RHBDD1: variants seen among roughly 807,000 people sequenced by gnomAD.
The protein encoded by RHBDD1 is rhomboid-related protein 4.
A neutral mutation model predicts 36.3 loss-of-function variants in RHBDD1; 38 were observed. The observed-to-expected ratio is 1.05, with a 90% CI of 0.81 to 1.37. RHBDD1 has a LOEUF of 1.37. Ranked by LOEUF, RHBDD1 falls within the 40% of genes most tolerant of loss-of-function variation. RHBDD1 has a pLI of 0.00. For missense variants in RHBDD1, 393 were observed against 377.6 expected (o/e 1.04, Z -0.34); for synonymous variants, 151 against 136.5 (o/e 1.11, Z -0.74).
intron 5 of RHBDD1, among the ~76,000 whole-genome samples, chr2:226,882,430 C>CAAAAAAAAAAAA (rs58149634): frequency 1.8e-5 from 1 of 57,090 alleles, no homozygotes; most frequent in Non-Finnish European, 3.7e-5. Context: ...GACTTTGCCT[C>CAAAAAAAAAAAA]AAAAAAAAAA....
At chr2:226,871,789 G>T (rs1323166886) in intron 5 of RHBDD1, among the ~76,000 whole-genome samples, 1 of 152,192 alleles carries the variant, frequency 6.6e-6, no homozygotes, top group Non-Finnish European at 1.5e-5. Flanking sequence ...ACTCCATAGG[G>T]ATGATACATG....
intron 8 of RHBDD1, among the ~76,000 whole-genome samples, chr2:226,989,483 C>T (rs998831392): frequency 6.6e-6 from 1 of 152,154 alleles, no homozygotes; most frequent in Non-Finnish European, 1.5e-5. Flanking sequence ...ATATTGGTCT[C>T]ACATGTCCAG....
chr2:226,838,250 G>T (rs778406653), intron 2 of RHBDD1, 96 bp downstream of exon 2: 1 of 152,204 alleles, frequency 6.6e-6, no homozygotes, highest in Non-Finnish European at 1.5e-5. Context: ...AGAGTTTTCA[G>T]ATAAACATAA....
At chr2:226,909,081 G>A (rs956857799) in intron 7 of RHBDD1, among the ~76,000 whole-genome samples, 3 of 152,020 alleles carry the variant, frequency 2.0e-5, no homozygotes, top group African/African-American at 7.2e-5. Flanking sequence ...GGAAGGCCAG[G>A]GAAGGAGGTA....
intron 5 of RHBDD1, among the ~76,000 whole-genome samples, chr2:226,897,301 G>GGT (rs1206046175): frequency 1.6e-5 from 2 of 124,916 alleles, no homozygotes; most frequent in Admixed American, 8.2e-5. Context: ...AACAGTTTGA[G>GGT]GTGTGTGTGT....
At chr2:226,921,859 A>G (rs762483192) in intron 8 of RHBDD1, among the ~76,000 whole-genome samples, 30 of 152,298 alleles carry the variant, frequency 2.0e-4, no homozygotes, top group African/African-American at 6.5e-4. Flanking sequence ...CATTTAGTCT[A>G]TAGTGCAGAT....
intron 8 of RHBDD1, among the ~76,000 whole-genome samples, chr2:226,948,564 T>TAAAAAAAAAAAAAAA (rs56325989): frequency 1.7e-4 from 4 of 23,548 alleles, no homozygotes; most frequent in Admixed American, 5.0e-4. Context: ...ACTTAAAGTA[T>TAAAAAAAAAAAAAAA]AAAAAAAAAA....
chr2:226,952,130 G>T (rs1361503387), intron 8 of RHBDD1, among the ~76,000 whole-genome samples: 1 of 152,062 alleles, frequency 6.6e-6, no homozygotes, highest in African/African-American at 2.4e-5. Context: ...TGCTCTATAA[G>T]CTCCCCAGGT....
intron 8 of RHBDD1, among the ~76,000 whole-genome samples, chr2:226,929,421 G>A (rs1453526294): frequency 6.6e-6 from 1 of 152,040 alleles, no homozygotes; most frequent in Non-Finnish European, 1.5e-5. Context: ...CTCAATTGAT[G>A]CATAAAAAGC....
intron 3 of RHBDD1, among the ~76,000 whole-genome samples, chr2:226,851,741 G>A (rs1172810334): frequency 1.3e-5 from 2 of 152,102 alleles, no homozygotes; most frequent in Non-Finnish European, 2.9e-5. Flanking sequence ...TGACACATGA[G>A]CCTTTTTGTT....
chr2:226,951,222 C>T (rs576261399), intron 8 of RHBDD1, among the ~76,000 whole-genome samples: 3 of 152,236 alleles, frequency 2.0e-5, no homozygotes, highest in African/African-American at 4.8e-5. Context: ...TACATCACAT[C>T]TTTAAAGGCC....
chr2:226,842,621 C>G (rs146216925), intron 3 of RHBDD1, among the ~76,000 whole-genome samples: 90 of 152,208 alleles, frequency 5.9e-4, no homozygotes, highest in African/African-American at 2.1e-3. Context: ...TTTCTGAGTT[C>G]TCTATTTTGT....
chr2:226,947,664 C>G (rs1450016409), intron 8 of RHBDD1, among the ~76,000 whole-genome samples: 1 of 151,996 alleles, frequency 6.6e-6, no homozygotes, highest in Non-Finnish European at 1.5e-5. Context: ...TTTTCGCAAC[C>G]TACTCATCTG....
chr2:226,882,985 A>T (rs2125411909), intron 5 of RHBDD1, among the ~76,000 whole-genome samples: 1 of 152,196 alleles, frequency 6.6e-6, no homozygotes, highest in Middle Eastern at 3.4e-3. Flanking sequence ...CAAAGGCCCC[A>T]CCCTCCTAAC....
At chr2:226,813,190 T>C in the RHBDD1 span, among the ~76,000 whole-genome samples, 2 of 152,232 alleles carry the variant, frequency 1.3e-5, no homozygotes, top group South Asian at 2.1e-4. Context: ...AAAGACTCAA[T>C]AATGGCTAAC....
intron 8 of RHBDD1, among the ~76,000 whole-genome samples, chr2:226,947,141 C>T (rs543346414): frequency 1.3e-5 from 2 of 151,630 alleles, no homozygotes; most frequent in East Asian, 3.9e-4. Context: ...CTTTTGTTGC[C>T]ATTGCTTTTG....
chr2:226,930,941 A>AC (rs1949996155), intron 8 of RHBDD1, among the ~76,000 whole-genome samples: 1 of 152,030 alleles, frequency 6.6e-6, no homozygotes, highest in Non-Finnish European at 1.5e-5. Context: ...AATATGAGAT[A>AC]CTACCTTACC....
intron 8 of RHBDD1, among the ~76,000 whole-genome samples, chr2:226,982,340 C>A (rs140293300): frequency 1.3e-5 from 2 of 152,148 alleles, no homozygotes; most frequent in Non-Finnish European, 2.9e-5. Flanking sequence ...TCTCCTAGGC[C>A]GCAGATAATC....
At chr2:226,846,768 A>AAATGTAAG (rs1000514175) in intron 3 of RHBDD1, among the ~76,000 whole-genome samples, 4 of 151,472 alleles carry the variant, frequency 2.6e-5, no homozygotes, top group South Asian at 4.2e-4. Flanking sequence ...AAAAAAAAGG[A>AAATGTAAG]AATGTAAGAG....
Sources: gnomAD v4.1 joint callset for allele counts (sites outside exome capture counted in the v4.1 genomes callset) on GRCh38, gnomAD v4.1.1 for gene constraint, MANE v1.5 for transcripts, NCBI Gene and HGNC (gene_info 2026-07-23, HGNC 2026-07-21) for gene names.